FAM131A: variants seen among roughly 807,000 people sequenced by gnomAD.
FAM131A encodes protein FAM131A.
FAM131A carries 24 observed loss-of-function variants against 39.2 expected under a neutral mutation model. That is an observed-to-expected ratio of 0.61 (90% CI 0.44 to 0.86). The LOEUF (loss-of-function observed/expected upper bound fraction) is 0.86. Ranked by LOEUF, FAM131A falls within the 40% of genes least tolerant of loss-of-function variation. The probability of loss-of-function intolerance (pLI) is 0.00; values close to 1 mark genes in which losing one functional copy is unlikely to be tolerated. For synonymous variants in FAM131A, 202 were observed against 206.8 expected, an observed-to-expected ratio of 0.98 and a Z score of 0.20; for missense variants, 373 against 481.2, an observed-to-expected ratio of 0.78 and a Z score of 2.10.
At chr3:184,336,613 C>G (rs1351801266), upstream of FAM131A, among the ~76,000 whole-genome samples, 1 of 152,210 alleles carries the variant, frequency 6.6e-6, no homozygotes, top group African/African-American at 2.4e-5. The surrounding 1 kb of genome is among the most constrained non-coding windows in gnomAD (Gnocchi z 5.5). Flanking sequence ...AAGCACCCTA[C>G]CACAGAATTT....
Position 184,344,647 on chromosome 3 carries a change from C to T in FAM131A, c.778C>T (p.Leu260=). 2 of 1,613,062 alleles carry T rather than the reference C, an allele frequency of 1.2e-6. No homozygotes were observed. Among genetic ancestry groups the T allele is most frequent in the East Asian group, 2.2e-5 (1 of 44,866 alleles). ...CACCCTGTGCTCTAGTCTGTGCAGC[C>T]TGGAGGATGGGTTGTTGGGCTCCCC... is the stretch of plus-strand genomic sequence containing the variant. ...PDTLCSSLCS[L]EDGLLGSPAR... Residue 260 remains leucine, a synonymous_variant, in exon 6 of 6, where the codon CTG becomes TTG. Transcript: ENST00000383847.
chr3:184,345,587 G>GT lies in FAM131A; in HGVS notation c.*623dup, dbSNP rs370098040. 8.5e-6 allele frequency: 6 copies of GT among 703,220 alleles called. No individual in the cohort carries two copies. The highest frequency in any genetic ancestry group is 2.7e-5 in the East Asian group (1 of 37,264). The allele number at this position is 703,220 out of a possible 1,614,324, so 43.6% of individuals were successfully genotyped here. A position where few individuals can be genotyped will look rare whatever the true frequency, so the allele number is the denominator to read the frequency against. On this transcript the variant is annotated 3_prime_UTR_variant, in exon 6 of 6. Coordinates refer to ENST00000383847, the MANE Select transcript of FAM131A (RefSeq NM_144635.5). ...CCTAAAGACAGAAGGTTTTTGGTCT[G>GT]TTTTTTCAGTCGGATCTTCTCTTCT...
rs753635359 is a variant in FAM131A, at chr3:184,342,808, G to A, written c.573G>A (p.Glu191=). Residue 191 remains glutamate (E), a synonymous_variant, in exon 5 of 6, where the codon GAG becomes GAA. Transcript: ENST00000383847. The surrounding 1 kb of genome is among the most constrained non-coding windows in gnomAD (Gnocchi z 4.6). ...KLRAWSSVDG[E]DSTDDSYDED... is the part of the protein sequence containing the mutation. ...GAGCATGGTCTTCGGTGGATGGCGA[G>A]GACTCCACTGATGACTCCTATGATG... is the stretch of plus-strand genomic sequence containing the variant. The A allele has an allele frequency of 6.2e-6, 10 of 1,613,924 alleles. No individual in the cohort carries two copies. In the South Asian group the frequency reaches 1.1e-4, roughly 18 times the overall value.
chr3:184,343,128 A>C (rs1727460227), intron 5 of FAM131A: 1 of 270,706 alleles, frequency 3.7e-6, no homozygotes, highest in Non-Finnish European at 7.0e-6. Flanking sequence ...TCCTCAAAAA[A>C]AAAAAAAAAA....
In FAM131A at chr3:184,342,712, T is replaced by G; in HGVS notation, c.509-32T>G. ...AGCTGAGCCCTAGACTTAGCTCACC[T>G]TCTCTGCTTATGCATTCTGTCCCTG... On this transcript the variant is annotated intron_variant, in intron 4 of 5. Transcript: ENST00000383847. This position sits in a 1 kb window ranked among gnomAD's most constrained non-coding sequence, Gnocchi z 4.6. 1 of 1,588,582 alleles carries G rather than the reference T, an allele frequency of 6.3e-7. No homozygotes were observed. Among genetic ancestry groups the G allele is most frequent in the South Asian group, 1.1e-5 (1 of 90,200 alleles).
Position 184,345,338 on chromosome 3 carries a change from G to A in FAM131A, c.*368G>A. 1.7e-6 allele frequency: 1 copy of A among 574,746 alleles called. No individual in the cohort carries two copies. The allele number at this position is 574,746 out of a possible 1,614,324, so 35.6% of individuals were successfully genotyped here. A position where few individuals can be genotyped will look rare whatever the true frequency, so the allele number is the denominator to read the frequency against. ...GGGCTGTGTGAGGGTGGGGTGGGAG[G>A]GGGCCCAGCAACCCCCCACCCTCCC... On this transcript the variant is annotated 3_prime_UTR_variant, in exon 6 of 6. Coordinates refer to ENST00000383847, the MANE Select transcript of FAM131A (RefSeq NM_144635.5).
chr3:184,342,496 T>C lies in FAM131A; in HGVS notation c.508+248T>C, dbSNP rs2108546198. On this transcript the variant is annotated intron_variant, in intron 4 of 5. Transcript: ENST00000383847. This position sits in a 1 kb window ranked among gnomAD's most constrained non-coding sequence, Gnocchi z 4.6. ...CTAATTTTTGTAGTTTTAGTAGAGATGGGGTTTCACCGTCTAGGCCAGGCT... is the reference window on the plus strand; with the variant it reads ...CTAATTTTTGTAGTTTTAGTAGAGACGGGGTTTCACCGTCTAGGCCAGGCT... 6.6e-6 allele frequency among the ~76,000 whole-genome samples: 1 copy of C among 152,234 alleles called. No individual in the cohort carries two copies. Among genetic ancestry groups the C allele is most frequent in the East Asian group, 1.9e-4 (1 of 5,174 alleles).
chr3:184,336,393 G>A (rs940764366), upstream of FAM131A, among the ~76,000 whole-genome samples: 1 of 152,194 alleles, frequency 6.6e-6, no homozygotes, highest in African/African-American at 2.4e-5. This position sits in a 1 kb window ranked among gnomAD's most constrained non-coding sequence, Gnocchi z 5.5. Context: ...ACTGCTCAGG[G>A]TGGCCGGAGA....
At chr3:184,338,022 G>A (rs1239067668) in intron 1 of FAM131A, among the ~76,000 whole-genome samples, 2 of 152,150 alleles carry the variant, frequency 1.3e-5, no homozygotes, top group South Asian at 2.1e-4. Context: ...AAGGGTCCAG[G>A]GTGGCGGTGG....
rs1727369964 is a variant in FAM131A at position 184,341,382 on chromosome 3, T to A, written c.232-342T>A. 3 of 346,414 alleles carry A rather than the reference T, an allele frequency of 8.7e-6. No individual in the cohort carries two copies. The South Asian group carries it at 9.5e-5, about 11-fold the overall frequency. 21.5% of individuals were successfully genotyped at this position (346,414 alleles called of 1,614,324 possible). A position where few individuals can be genotyped will look rare whatever the true frequency, so the allele number is the denominator to read the frequency against. ...AAGGGAATCTTAAAGAAGTCCTGGA[T>A]GCCACACTCTTCTTCCTTCCTCCTC... On this transcript the variant is annotated intron_variant, in intron 2 of 5. Transcript: ENST00000383847.
Position 184,344,967 on chromosome 3 carries a change from G to C in FAM131A, c.1098G>C (p.Gln366His). 1 of 1,550,428 alleles carries C rather than the reference G, an allele frequency of 6.4e-7. No individual in the cohort carries two copies. The highest frequency in any genetic ancestry group is 1.4e-5 in the African/African-American group (1 of 73,656). The change falls in exon 6 of 6, where the codon CAG becomes CAC. Residue 366 changes from glutamine to histidine, a missense_variant. Physicochemically the swap from Gln to His is conservative, Grantham distance 24. Transcript: ENST00000383847. The stretch of plus-strand genomic sequence containing the variant: ...AGGATGAGGCAGAGCCAGAGGAACA[G>C]TGACCCACATCATGCCTGGCAGTGG... ...LDEDEAEPEE[Q>H]
Position 184,342,078 on chromosome 3 carries a change from T to A in FAM131A, c.338T>A (p.Val113Glu). The A allele has an allele frequency of 6.2e-7, 1 of 1,614,146 alleles. No homozygotes were observed. Among genetic ancestry groups the A allele is most frequent in the Non-Finnish European group, 8.5e-7 (1 of 1,180,018 alleles). Residue 113 changes from valine to glutamate, a missense_variant, in exon 4 of 6, where the codon GTG becomes GAG. Around this residue, in one of 2 missense-constraint regions of FAM131A, gnomAD observed 221 missense variants for 347.7 expected, o/e 0.64. Transcript: ENST00000383847. This position sits in a 1 kb window ranked among gnomAD's most constrained non-coding sequence, Gnocchi z 4.6. ...ARSSLHGISQ[V>E]VKDHVTKPTA... is the part of the protein sequence containing the mutation. ...CCCCTATCTCCAGGTATTTCCCAGG[T>A]GGTGAAGGACCACGTGACCAAGCCT...
At position 184,342,494 on chromosome 3, in the gene FAM131A, G is replaced by A. The variant is rs922061138; in HGVS notation, c.508+246G>A. Among the ~76,000 whole-genome samples the A allele has an allele frequency of 3.9e-5, 6 of 152,176 alleles. No homozygotes were observed. Among genetic ancestry groups the A allele is most frequent in the African/African-American group, 1.4e-4 (6 of 41,436 alleles). Reference sequence around the variant, plus strand: ...GGCTAATTTTTGTAGTTTTAGTAGAGATGGGGTTTCACCGTCTAGGCCAGG... The same window carrying A: ...GGCTAATTTTTGTAGTTTTAGTAGAAATGGGGTTTCACCGTCTAGGCCAGG... On this transcript the variant is annotated intron_variant, in intron 4 of 5. Transcript: ENST00000383847. This position sits in a 1 kb window ranked among gnomAD's most constrained non-coding sequence, Gnocchi z 4.6.
intron 2 of FAM131A, 100 bp from the exon 3 acceptor site, chr3:184,341,624 A>G: frequency 1.1e-6 from 1 of 919,694 alleles, no homozygotes; most frequent in Non-Finnish European, 1.7e-6. Context: ...GTTCCTTCCT[A>G]GCTCCTGTCT....
rs1345006574 is a variant in FAM131A, at chr3:184,344,814, T to C, written c.945T>C (p.Leu315=). The C allele has an allele frequency of 6.2e-7, 1 of 1,612,238 alleles. No homozygotes were observed. The highest frequency in any genetic ancestry group is 2.2e-5 in the East Asian group (1 of 44,882). ...LYNSPLTESC[L]SPAEEEPAPC... ...ACTCGCCCCTCACAGAGTCCTGCCT[T>C]TCCCCCGCGGAGGAGGAGCCAGCCC... The change falls in exon 6 of 6, where the codon CTT becomes CTC. Residue 315 remains leucine (L), a synonymous_variant. Transcript: ENST00000383847.
At position 184,342,942 on chromosome 3, in the gene FAM131A, CT is replaced by C; in HGVS notation, c.625+83del. 1 of 1,255,574 alleles carries C rather than the reference CT, an allele frequency of 8.0e-7. No individual in the cohort carries two copies. Among genetic ancestry groups the C allele is most frequent in the East Asian group, 2.4e-5 (1 of 42,528 alleles). The allele number at this position is 1,255,574 out of a possible 1,614,324, so 77.8% of individuals were successfully genotyped here. A position where few individuals can be genotyped will look rare whatever the true frequency, so the allele number is the denominator to read the frequency against. On this transcript the variant is annotated intron_variant, in intron 5 of 5. Coordinates refer to ENST00000383847, the MANE Select transcript of FAM131A (RefSeq NM_144635.5). The surrounding 1 kb of genome is among the most constrained non-coding windows in gnomAD (Gnocchi z 4.6). ...CTTTCAGAGCCACATCCAGAACACT[CT>C]CAGCCTTTGCAAGGGGAGGGAGAGG...
chr3:184,339,968 A>C (rs1240024904), intron 2 of FAM131A: 2 of 152,150 alleles, frequency 1.3e-5, no homozygotes, highest in African/African-American at 4.8e-5. Context: ...ATTATATCTT[A>C]CCTCATTCAT....
At chr3:184,336,385 T>A (rs891691511), upstream of FAM131A, among the ~76,000 whole-genome samples, 4 of 152,166 alleles carry the variant, frequency 2.6e-5, no homozygotes, top group Non-Finnish European at 4.4e-5. The surrounding 1 kb of genome is among the most constrained non-coding windows in gnomAD (Gnocchi z 5.5). Context: ...GTGTGCCCAC[T>A]GCTCAGGGTG....
At chr3:184,344,411 G>A (rs1289587622) in intron 5 of FAM131A, 84 bp from the exon 6 acceptor site, 22 of 1,306,722 alleles carry the variant, frequency 1.7e-5, no homozygotes, top group Non-Finnish European at 2.1e-5. Flanking sequence ...CTATGCCAGG[G>A]GTGGAGTGGG....
Sources: gnomAD v4.1 joint callset for allele counts (sites outside exome capture counted in the v4.1 genomes callset) on GRCh38, gnomAD v4.1.1 for gene constraint, gnomAD v4.1.1 regional missense constraint, Gnocchi (gnomAD v3.1) non-coding constraint, MANE v1.5 for transcripts, NCBI Gene and HGNC (gene_info 2026-07-23, HGNC 2026-07-21) for gene names.